The following DGKH variants were observed in gnomAD, a reference collection of about 807,000 sequenced individuals.
DGKH encodes diacylglycerol kinase eta.
In DGKH, 90 loss-of-function variants were observed where a neutral mutation model predicts 159.3. That is an observed-to-expected ratio of 0.57 (90% CI 0.48 to 0.67). DGKH has a LOEUF of 0.67. Among genes scored for constraint, DGKH ranks in the 30% least tolerant of loss-of-function variants. The pLI, the probability that DGKH is intolerant of heterozygous loss-of-function variation, is 0.00. For synonymous variants in DGKH, 536 were observed against 553.8 expected, an observed-to-expected ratio of 0.97 and a Z score of 0.45; for missense variants, 1,181 against 1,506.1, an observed-to-expected ratio of 0.78 and a Z score of 3.57.
At chr13:42,225,349 T>C (rs769681371) in intron 29 of DGKH, 11 of 1,575,066 alleles carry the variant, frequency 7.0e-6, no homozygotes, top group Non-Finnish European at 9.4e-6. Flanking sequence ...TGAGAGTTTT[T>C]TGTTTAGTTT....
At chr13:42,165,291 TA>T (rs2138002125) in intron 7 of DGKH, 39 bp from the exon 8 acceptor site, 1 of 1,128,680 alleles carries the variant, frequency 8.9e-7, no homozygotes, top group South Asian at 1.8e-5. Flanking sequence ...GGCAGAACAT[TA>T]TTTTTATGAT....
intron 1 of DGKH, among the ~76,000 whole-genome samples, chr13:42,071,853 T>C (rs1882994435): frequency 6.6e-6 from 1 of 152,180 alleles, no homozygotes; most frequent in Admixed American, 6.5e-5. Flanking sequence ...GTCACCGCCA[T>C]GTAACACCGA....
chr13:42,155,658 C>T lies in DGKH; in HGVS notation c.490-9C>T. The T allele has an allele frequency of 4.3e-6, 7 of 1,614,154 alleles. No individual in the cohort carries two copies. Among genetic ancestry groups the T allele is most frequent in the Non-Finnish European group, 5.9e-6 (7 of 1,180,006 alleles). ...GCTTGGCAAATCTGTCCTCACATCT[C>T]ATTTCTAGGTGGCCCAGTTTAATGT... is the stretch of plus-strand genomic sequence containing the variant. On this transcript the variant is annotated splice_polypyrimidine_tract_variant and intron_variant, in intron 4 of 29. Transcript: ENST00000337343.
intron 16 of DGKH, among the ~76,000 whole-genome samples, chr13:42,191,981 T>G (rs1957081346): frequency 6.6e-6 from 1 of 152,202 alleles, no homozygotes; most frequent in Admixed American, 6.5e-5. Context: ...AATATGAGGA[T>G]AATAATCTAC....
rs71298955 is a variant in DGKH at position 42,173,941 on chromosome 13, A to ATGTGTG, written c.1368-106_1368-101dup. ...AGATAAAATAAACCATAGTTCATGAATGTGTGTGTGTGTGTGTGCGTGCGT... is the reference window on the plus strand; with the variant it reads ...AGATAAAATAAACCATAGTTCATGAATGTGTGTGTGTGTGTGTGTGTGTGCGTGCGT... On this transcript the variant is annotated intron_variant, in intron 11 of 29. Coordinates refer to ENST00000337343, the MANE Select transcript of DGKH (RefSeq NM_178009.5). The ATGTGTG allele has an allele frequency of 1.7e-4, 84 of 481,140 alleles. No individual in the cohort carries two copies. The East Asian group carries it at 2.9e-3, about 17-fold the overall frequency. The allele number at this position is 481,140 out of a possible 1,614,324, so 29.8% of individuals were successfully genotyped here.
chr13:42,223,039 C>G (rs1406454104), intron 29 of DGKH, among the ~76,000 whole-genome samples: 1 of 152,138 alleles, frequency 6.6e-6, no homozygotes, highest in East Asian at 1.9e-4. Context: ...ATTACATTCT[C>G]TCTCTTAAAA....
intron 1 of DGKH, among the ~76,000 whole-genome samples, chr13:42,103,473 G>A (rs901315383): frequency 1.3e-5 from 2 of 152,206 alleles, no homozygotes; most frequent in African/African-American, 4.8e-5. Context: ...GACAGGGCCA[G>A]CTCTGACTCA....
intron 3 of DGKH, chr13:42,138,187 T>TAATA: frequency 1.2e-6 from 1 of 840,450 alleles, no homozygotes; most frequent in Non-Finnish European, 1.4e-6. Flanking sequence ...TAATATGGAA[T>TAATA]TCAGGGCTCT....
Position 42,195,081 on chromosome 13 carries a change from T to A in DGKH, c.2167+65T>A, listed in dbSNP as rs1194494801. Reference sequence around the variant, plus strand: ...TCTGTGAAAAGGTGTAAGTATTTATTTCTATTACTGTGGAAACATGTTCTT... The same window carrying A: ...TCTGTGAAAAGGTGTAAGTATTTATATCTATTACTGTGGAAACATGTTCTT... On this transcript the variant is annotated intron_variant, in intron 17 of 29. Transcript: ENST00000337343. 1.9e-6 allele frequency: 3 copies of A among 1,558,104 alleles called. No individual in the cohort carries two copies. The African/African-American group carries it at 4.1e-5, about 21-fold the overall frequency.
In DGKH at chr13:42,239,984, C is replaced by T. The variant is rs1958486713; in HGVS notation, c.*10796C>T. 6.6e-6 allele frequency: 1 copy of T among 152,208 alleles called. No individual in the cohort carries two copies. The highest frequency in any genetic ancestry group is 1.5e-5 in the Non-Finnish European group (1 of 68,028). 9.4% of individuals were successfully genotyped at this position (152,208 alleles called of 1,614,324 possible). A position where few individuals can be genotyped will look rare whatever the true frequency, so the allele number is the denominator to read the frequency against. On this transcript the variant is annotated 3_prime_UTR_variant, in exon 30 of 30. Coordinates refer to ENST00000337343, the MANE Select transcript of DGKH (RefSeq NM_178009.5). ...TAACTTTCTGTGAAGCCCTACCTGACTTCCCTAGGCAGGTATTTTCTCCAT... is the reference window on the plus strand; with the variant it reads ...TAACTTTCTGTGAAGCCCTACCTGATTTCCCTAGGCAGGTATTTTCTCCAT...
chr13:42,099,665 G>A (rs1566100984), intron 1 of DGKH, among the ~76,000 whole-genome samples: 1 of 152,172 alleles, frequency 6.6e-6, no homozygotes, highest in Non-Finnish European at 1.5e-5. Context: ...TGCCAACTAC[G>A]AGCTAGGCAA....
chr13:42,151,515 G>GTGAAAC (rs1566134440), intron 3 of DGKH, among the ~76,000 whole-genome samples: 2,611 of 100,772 alleles, frequency 0.026, 80 homozygotes, highest in East Asian at 0.11. Flanking sequence ...GTATACACAT[G>GTGAAAC]TATATATATA....
At chr13:42,154,006 C>T (rs1416271496) in intron 3 of DGKH, 3 of 152,140 alleles carry the variant, frequency 2.0e-5, no homozygotes, top group East Asian at 3.9e-4. Context: ...GGCAATGACT[C>T]GTGAGTAGCT....
intron 1 of DGKH, among the ~76,000 whole-genome samples, chr13:42,116,192 T>C (rs752413111): frequency 7.9e-5 from 12 of 152,196 alleles, no homozygotes; most frequent in Non-Finnish European, 1.3e-4. Flanking sequence ...AGATTCATGA[T>C]GTTACAGGTT....
At chr13:42,171,259 A>T (rs888757870) in intron 11 of DGKH, among the ~76,000 whole-genome samples, 2 of 152,158 alleles carry the variant, frequency 1.3e-5, no homozygotes, top group Non-Finnish European at 2.9e-5. Context: ...CACATTATCT[A>T]AGTTAAATAG....
intron 1 of DGKH, among the ~76,000 whole-genome samples, chr13:42,091,510 G>A (rs1900435): frequency 0.21 from 32,430 of 152,072 alleles, 3,852 homozygotes; most frequent in Non-Finnish European, 0.28. Context: ...GACTTGAATA[G>A]ACATTTCTTC....
Position 42,152,044 on chromosome 13 carries a change from AT to A in DGKH, c.385-3239del, listed in dbSNP as rs545205581. 6.6e-5 allele frequency among the ~76,000 whole-genome samples: 10 copies of A among 151,860 alleles called. 1 individual carries two copies. The highest frequency in any genetic ancestry group is 2.4e-4 in the African/African-American group (10 of 41,430). On this transcript the variant is annotated intron_variant, in intron 3 of 29. Transcript: ENST00000337343. ...TTTCTCATGATGAGTGATGTTGAGC[AT>A]TTTTTTTGTATGTTTCTTGGCCGTT...
intron 25 of DGKH, among the ~76,000 whole-genome samples, chr13:42,214,852 T>A (rs1469285300): frequency 1.3e-5 from 2 of 152,200 alleles, no homozygotes; most frequent in Admixed American, 1.3e-4. Context: ...TCACCTTCCA[T>A]CTGTCTTCAC....
chr13:42,197,257 A>G (rs868449865), intron 17 of DGKH, among the ~76,000 whole-genome samples: 1 of 125,944 alleles, frequency 7.9e-6, no homozygotes, highest in Non-Finnish European at 1.8e-5. Context: ...CTCAACAAAA[A>G]AAAAAAAAAA....
Sources: gnomAD v4.1 joint callset for allele counts (sites outside exome capture counted in the v4.1 genomes callset) on GRCh38, gnomAD v4.1.1 for gene constraint, MANE v1.5 for transcripts, NCBI Gene and HGNC (gene_info 2026-07-23, HGNC 2026-07-21) for gene names.